DISP3: variants seen among roughly 807,000 people sequenced by gnomAD.
DISP3 encodes protein dispatched homolog 3.
A neutral mutation model predicts 135.3 loss-of-function variants in DISP3; 101 were observed. That is an observed-to-expected ratio of 0.75 (90% confidence interval 0.64 to 0.88). The LOEUF is 0.88. Ranked by LOEUF, DISP3 falls within the 40% of genes least tolerant of loss-of-function variation. The pLI is 0.00. For missense variants in DISP3, 1,713 were observed against 1,878.6 expected (o/e 0.91, Z 1.63); for synonymous variants, 856 against 817.0 (o/e 1.05, Z -0.81).
intron 4 of DISP3, 84 bp downstream of exon 4, chr1:11,514,610 A>G (rs1246751913): frequency 3.8e-5 from 56 of 1,490,242 alleles, no homozygotes; most frequent in Middle Eastern, 2.3e-4. Context: ...AGAATGCTGC[A>G]ATACTCTTGA....
chr1:11,502,443 T>G (rs1641572165), intron 2 of DISP3, among the ~76,000 whole-genome samples: 1 of 151,592 alleles, frequency 6.6e-6, no homozygotes, highest in African/African-American at 2.4e-5. Flanking sequence ...GCAGGAGAAA[T>G]GATTGGGGTT....
chr1:11,492,535 G>C (rs1410177265), intron 1 of DISP3, among the ~76,000 whole-genome samples: 3 of 152,152 alleles, frequency 2.0e-5, no homozygotes, highest in Non-Finnish European at 4.4e-5. Context: ...GCTCGCCACA[G>C]AGCCCCCACC....
rs1345486063 is a variant in DISP3, at chr1:11,536,603, G to T, written c.4096G>T (p.Ala1366Ser). 3 of 1,610,834 alleles carry T rather than the reference G, an allele frequency of 1.9e-6. No homozygotes were observed. Among genetic ancestry groups the T allele is most frequent in the Non-Finnish European group, 2.5e-6 (3 of 1,179,574 alleles). Residue 1366 changes from alanine to serine, a missense_variant, in exon 21 of 21, where the codon GCA becomes TCA. Ala to Ser is a moderately conservative substitution (Grantham distance 99). This residue lies in a region of DISP3 where 1,142 missense variants were observed against 1,384.6 expected (regional missense o/e 0.82). Coordinates refer to ENST00000294484, the MANE Select transcript of DISP3 (RefSeq NM_020780.2). The surrounding 1 kb of genome is among the most constrained non-coding windows in gnomAD (Gnocchi z 4.3). ...FLKALGAVLLAGALGLGACLV... is the reference protein window; with the variant it reads ...FLKALGAVLLSGALGLGACLV... ...CAAGGCCCTGGGTGCCGTGCTGCTG[G>T]CAGGGGCCCTGGGGCTGGGTGCCTG...
intron 12 of DISP3, 145 bp downstream of exon 12, chr1:11,525,457 C>G: frequency 1.8e-6 from 2 of 1,087,060 alleles, no homozygotes; most frequent in Non-Finnish European, 2.5e-6. Flanking sequence ...CCAGCCATGT[C>G]TGTGACAGGG....
chr1:11,530,836 G>A (rs1207454164), intron 15 of DISP3, 71 bp from the exon 16 acceptor site: 3 of 1,587,106 alleles, frequency 1.9e-6, no homozygotes, highest in Non-Finnish European at 2.6e-6. Context: ...CCCAGGGTTG[G>A]GGGTGAGCAC....
At position 11,529,959 on chromosome 1, in the gene DISP3, G is replaced by A. The variant is rs200382527; in HGVS notation, c.3102G>A (p.Pro1034=). 156 of 1,611,842 alleles carry A rather than the reference G, an allele frequency of 9.7e-5. No individual in the cohort carries two copies. The highest frequency in any genetic ancestry group is 1.7e-4 in the Middle Eastern group (1 of 6,056). Residue 1034 remains proline (P), a splice_region_variant and synonymous_variant, in exon 15 of 21, where the codon CCG becomes CCA. Transcript: ENST00000294484. This position sits in a 1 kb window ranked among gnomAD's most constrained non-coding sequence, Gnocchi z 4.7. The part of the protein sequence containing the change: ...RQVDNHVIGD[P]GSVVYDSSFD... ...TGGACAACCACGTCATTGGAGACCCGGTACGGGGCATGCGTCGGGCAGATG... is the reference window on the plus strand; with the variant it reads ...TGGACAACCACGTCATTGGAGACCCAGTACGGGGCATGCGTCGGGCAGATG...
intron 1 of DISP3, among the ~76,000 whole-genome samples, chr1:11,493,512 G>T (rs1365578747): frequency 1.3e-5 from 2 of 152,022 alleles, no homozygotes; most frequent in Non-Finnish European, 2.9e-5. Flanking sequence ...ATCACTTGAG[G>T]TAGGAGTTCA....
intron 6 of DISP3, 89 bp from the exon 7 acceptor site, chr1:11,517,374 C>T (rs1016591533): frequency 1.3e-5 from 20 of 1,542,938 alleles, no homozygotes; most frequent in Non-Finnish European, 1.7e-5. Context: ...GATCTGGGGT[C>T]CTGAGTGTCT....
In DISP3 at chr1:11,491,671, G is replaced by A. The variant is rs1318487948; in HGVS notation, c.-3-9319G>A. 2.0e-5 allele frequency among the ~76,000 whole-genome samples: 3 copies of A among 152,086 alleles called. No individual in the cohort carries two copies. In the East Asian group the frequency reaches 5.8e-4, roughly 29 times the overall value. On this transcript the variant is annotated intron_variant, in intron 1 of 20. Coordinates refer to ENST00000294484, the MANE Select transcript of DISP3 (RefSeq NM_020780.2). The surrounding 1 kb of genome is among the most constrained non-coding windows in gnomAD (Gnocchi z 4.3). ...CCTGGGCCCCACCTCCTCTGACCTG[G>A]AATCTGACCTAGAGTTTGCACTTTA...
intron 1 of DISP3, among the ~76,000 whole-genome samples, chr1:11,493,830 C>T (rs576162542): frequency 5.0e-4 from 76 of 152,312 alleles, no homozygotes; most frequent in Non-Finnish European, 1.0e-3. Context: ...CAAGTTGACA[C>T]ATAGAATTAA....
In DISP3 at chr1:11,533,497, T is replaced by A. The variant is rs1230032631; in HGVS notation, c.3376-884T>A. Among the ~76,000 whole-genome samples the A allele has an allele frequency of 5.9e-5, 9 of 152,254 alleles. No homozygotes were observed. The East Asian group carries it at 1.7e-3, about 29-fold the overall frequency. ...GTCTCGAACTCCTGATCTCAGGTGATCCGCCTGCCTCAGCCTCCCAAAGTG... is the reference window on the plus strand; with the variant it reads ...GTCTCGAACTCCTGATCTCAGGTGAACCGCCTGCCTCAGCCTCCCAAAGTG... On this transcript the variant is annotated intron_variant, in intron 17 of 20. Transcript: ENST00000294484.
At chr1:11,515,907 A>C (rs1466744257) in intron 5 of DISP3, 94 bp from the exon 6 acceptor site, 1 of 1,427,484 alleles carries the variant, frequency 7.0e-7, no homozygotes, top group East Asian at 2.3e-5. Context: ...CTGACCTCCC[A>C]GGAGGCCACT....
chr1:11,484,747 C>G (rs1416937792), intron 1 of DISP3, among the ~76,000 whole-genome samples: 1 of 152,112 alleles, frequency 6.6e-6, no homozygotes, highest in Non-Finnish European at 1.5e-5. Context: ...TGAGCTTGAC[C>G]TGGGAACAAG....
intron 11 of DISP3, 111 bp downstream of exon 11, chr1:11,524,166 T>C: frequency 2.4e-6 from 2 of 843,956 alleles, no homozygotes; most frequent in South Asian, 1.6e-5. Context: ...AAGGAGATTG[T>C]GTGTTCCTGG....
Position 11,524,043 on chromosome 1 carries a change from G to C in DISP3, c.2464G>C (p.Ala822Pro), listed in dbSNP as rs1273842555. 6.2e-7 allele frequency: 1 copy of C among 1,611,742 alleles called. No individual in the cohort carries two copies. Among genetic ancestry groups the C allele is most frequent in the African/African-American group, 1.3e-5 (1 of 74,968 alleles). ...GGTCCCCTGGGCTAGCCGGCCTGAGGCCACCCTGCAGGGTGAGCACTGGGG... is the reference window on the plus strand; with the variant it reads ...GGTCCCCTGGGCTAGCCGGCCTGAGCCCACCCTGCAGGGTGAGCACTGGGG... ...SGVPWASRPE[A>P]TLQDFPGTVY... is the part of the protein sequence containing the mutation. The change falls in exon 11 of 21, where the codon GCC (alanine) becomes CCC (proline). Residue 822 changes from alanine to proline, a missense_variant. Around this residue, in one of 2 missense-constraint regions of DISP3, gnomAD observed 1,142 missense variants for 1,384.6 expected, o/e 0.82. Transcript: ENST00000294484.
intron 3 of DISP3, among the ~76,000 whole-genome samples, chr1:11,504,325 T>G (rs1641639089): frequency 6.6e-6 from 1 of 152,236 alleles, no homozygotes; most frequent in Admixed American, 6.5e-5. Context: ...AGTGGTGGAA[T>G]GAGATTCAAA....
Position 11,520,980 on chromosome 1 carries a change from C to T in DISP3, c.2362+132C>T. 1 of 1,127,426 alleles carries T rather than the reference C, an allele frequency of 8.9e-7. No homozygotes were observed. The highest frequency in any genetic ancestry group is 1.2e-6 in the Non-Finnish European group (1 of 816,110). The allele number at this position is 1,127,426 out of a possible 1,614,324, so 69.8% of individuals were successfully genotyped here. Reference sequence around the variant, plus strand: ...AGGCAAATCCCACTCCCCTCTGAGCCCCCATGTTCCCACAGTTCATTCAAC... The same window carrying T: ...AGGCAAATCCCACTCCCCTCTGAGCTCCCATGTTCCCACAGTTCATTCAAC... On this transcript the variant is annotated intron_variant, in intron 10 of 20. Transcript: ENST00000294484. This position sits in a 1 kb window ranked among gnomAD's most constrained non-coding sequence, Gnocchi z 4.8.
Position 11,529,941 on chromosome 1 carries a change from C to G in DISP3, c.3084C>G (p.Asn1028Lys). ...TCAACCGCACTCGGCAGGTGGACAA[C>G]CACGTCATTGGAGACCCGGTACGGG... ...IGVNRTRQVD[N>K]HVIGDPGSVV... The change falls in exon 15 of 21, where the codon AAC (asparagine) becomes AAG (lysine). Residue 1028 changes from asparagine to lysine, a missense_variant. By Grantham distance (94) the Asn-to-Lys change is moderately conservative. Around this residue, in one of 2 missense-constraint regions of DISP3, gnomAD observed 1,142 missense variants for 1,384.6 expected, o/e 0.82. Transcript: ENST00000294484. This position sits in a 1 kb window ranked among gnomAD's most constrained non-coding sequence, Gnocchi z 4.7. The G allele has an allele frequency of 6.2e-7, 1 of 1,613,350 alleles. No homozygotes were observed. The highest frequency in any genetic ancestry group is 2.2e-5 in the East Asian group (1 of 44,888).
rs988583254 is a variant in DISP3, at chr1:11,520,354, C to T, written c.2201-333C>T. On this transcript the variant is annotated intron_variant, in intron 9 of 20. Transcript: ENST00000294484. The surrounding 1 kb of genome is among the most constrained non-coding windows in gnomAD (Gnocchi z 4.8). ...CAAGTGCTATTATCATTGTCATCTT[C>T]GACACTATTTCAGAGTTGTGTGAGA... Among the ~76,000 whole-genome samples the T allele has an allele frequency of 6.6e-6, 1 of 152,138 alleles. No homozygotes were observed. The highest frequency in any genetic ancestry group is 1.5e-5 in the Non-Finnish European group (1 of 68,022).
Sources: gnomAD v4.1 joint callset for allele counts (sites outside exome capture counted in the v4.1 genomes callset) on GRCh38, gnomAD v4.1.1 for gene constraint, gnomAD v4.1.1 regional missense constraint, Gnocchi (gnomAD v3.1) non-coding constraint, MANE v1.5 for transcripts, NCBI Gene and HGNC (gene_info 2026-07-23, HGNC 2026-07-21) for gene names.